The following UBAC2 variants were observed in gnomAD, a reference collection of about 807,000 sequenced individuals.
UBAC2 encodes the protein UBA domain containing 2.
UBAC2 carries 26 observed loss-of-function variants against 44.0 expected under a neutral mutation model. The observed-to-expected ratio is 0.59, with a 90% CI of 0.43 to 0.82. The LOEUF is 0.82. Among genes scored for constraint, UBAC2 ranks in the 40% least tolerant of loss-of-function variants. The probability of loss-of-function intolerance (pLI) is 0.00; values close to 1 mark genes in which losing one functional copy is unlikely to be tolerated. For synonymous variants in UBAC2, 155 were observed against 154.3 expected, an observed-to-expected ratio of 1.00 and a Z score of -0.04; for missense variants, 329 against 419.4, an observed-to-expected ratio of 0.78 and a Z score of 1.88.
chr13:99,223,873 A>T (rs1349173376), intron 1 of UBAC2, among the ~76,000 whole-genome samples: 1 of 151,852 alleles, frequency 6.6e-6, no homozygotes, highest in Non-Finnish European at 1.5e-5. Context: ...ATTCCTTTAA[A>T]TTTTTTTGAG....
chr13:99,221,976 TTTGTC>T (rs1462775086), intron 1 of UBAC2, among the ~76,000 whole-genome samples: 1 of 152,174 alleles, frequency 6.6e-6, no homozygotes, highest in African/African-American at 2.4e-5. Flanking sequence ...GAGTCACAGT[TTTGTC>T]TTCTGTATAA....
intron 4 of UBAC2, among the ~76,000 whole-genome samples, chr13:99,253,177 T>C (rs902282891): frequency 6.6e-6 from 1 of 151,616 alleles, no homozygotes; most frequent in Non-Finnish European, 1.5e-5. Flanking sequence ...CTATTGAAAC[T>C]AAAAACTGTG....
chr13:99,270,661 G>A (rs376237200), intron 4 of UBAC2, among the ~76,000 whole-genome samples: 1 of 152,224 alleles, frequency 6.6e-6, no homozygotes, highest in South Asian at 2.1e-4. Flanking sequence ...GGTTGATGGT[G>A]TGGACATGCA....
intron 4 of UBAC2, among the ~76,000 whole-genome samples, chr13:99,290,751 A>T (rs1254160144): frequency 1.3e-5 from 2 of 151,322 alleles, no homozygotes; most frequent in Admixed American, 6.6e-5. Context: ...AAAAGAAAGA[A>T]AGAAAGAAAA....
intron 4 of UBAC2, among the ~76,000 whole-genome samples, chr13:99,272,930 C>G (rs1021779543): frequency 1.1e-4 from 16 of 150,628 alleles, no homozygotes; most frequent in African/African-American, 3.9e-4. Context: ...GTCCGTGTGT[C>G]TGTTCATGCT....
At chr13:99,344,144 C>T (rs75613290) in intron 7 of UBAC2, among the ~76,000 whole-genome samples, 4,666 of 152,236 alleles carry the variant, frequency 0.031, 96 homozygotes, top group Middle Eastern at 0.13. Context: ...CATTTATGCC[C>T]GGTGTACGCC....
intron 4 of UBAC2, among the ~76,000 whole-genome samples, chr13:99,275,327 C>T (rs960460377): frequency 1.3e-5 from 2 of 152,122 alleles, no homozygotes; most frequent in African/African-American, 2.4e-5. Flanking sequence ...GACATAGCAG[C>T]TATTACAGCT....
At chr13:99,383,430 C>T (rs1223237757) in intron 8 of UBAC2, among the ~76,000 whole-genome samples, 1 of 152,228 alleles carries the variant, frequency 6.6e-6, no homozygotes. Context: ...GACACTCTCT[C>T]CTCTGGTGGG....
chr13:99,240,596 A>G (rs2043287963), intron 2 of UBAC2, among the ~76,000 whole-genome samples: 1 of 152,148 alleles, frequency 6.6e-6, no homozygotes, highest in Non-Finnish European at 1.5e-5. Context: ...TCATCATCGG[A>G]CATTGGTAAA....
intron 8 of UBAC2, among the ~76,000 whole-genome samples, chr13:99,372,009 C>T (rs76739507): frequency 1.1e-4 from 16 of 152,330 alleles, no homozygotes; most frequent in African/African-American, 3.8e-4. Context: ...AGTAAACCCA[C>T]GGCACCTCTG....
At chr13:99,313,812 G>C (rs1355658592) in intron 4 of UBAC2, among the ~76,000 whole-genome samples, 1 of 152,188 alleles carries the variant, frequency 6.6e-6, no homozygotes, top group Non-Finnish European at 1.5e-5. Flanking sequence ...TAATACCTGG[G>C]AAGAAAACAT....
intron 4 of UBAC2, among the ~76,000 whole-genome samples, chr13:99,304,508 A>G (rs532235228): frequency 1.1e-4 from 17 of 152,196 alleles, no homozygotes; most frequent in Non-Finnish European, 2.1e-4. Context: ...GTGATGTATG[A>G]TCGATATTCA....
chr13:99,385,241 T>G lies in UBAC2; in HGVS notation c.941T>G (p.Met314Arg). The change falls in exon 9 of 9, where the codon ATG becomes AGG. Residue 314 changes from methionine to arginine, a missense_variant. Met to Arg is a moderately conservative substitution (Grantham distance 91, BLOSUM62 -1). Transcript: ENST00000403766. ...EVSEEQVARLMEMGFSRGDAL... is the reference protein window; with the variant it reads ...EVSEEQVARLREMGFSRGDAL... ...CTCTGCCTGCAGGTCGCCCGGCTCA[T>G]GGAGATGGGATTTTCCAGAGGTGAT... is the stretch of plus-strand genomic sequence containing the variant. 1 of 1,614,098 alleles carries G rather than the reference T, an allele frequency of 6.2e-7. No homozygotes were observed. Among genetic ancestry groups the G allele is most frequent in the Non-Finnish European group, 8.5e-7 (1 of 1,179,956 alleles).
chr13:99,254,928 G>C (rs762415931), intron 4 of UBAC2: 1 of 1,613,956 alleles, frequency 6.2e-7, no homozygotes, highest in African/African-American at 1.3e-5. Context: ...TACCAGATCG[G>C]AAACTTTTTC....
At chr13:99,346,543 T>C (rs903956242) in intron 7 of UBAC2, among the ~76,000 whole-genome samples, 1 of 152,228 alleles carries the variant, frequency 6.6e-6, no homozygotes, top group African/African-American at 2.4e-5. Context: ...TCATATTGTT[T>C]CACGCAGTCT....
Position 99,295,601 on chromosome 13 carries a change from A to G in UBAC2, c.390-18496A>G, listed in dbSNP as rs1189226726. 6.2e-7 allele frequency: 1 copy of G among 1,614,130 alleles called. No homozygotes were observed. Among genetic ancestry groups the G allele is most frequent in the Non-Finnish European group, 8.5e-7 (1 of 1,180,026 alleles). On this transcript the variant is annotated intron_variant, in intron 4 of 8. Transcript: ENST00000403766. This position sits in a 1 kb window ranked among gnomAD's most constrained non-coding sequence, Gnocchi z 4.1. ...AGTTTCTTCAAAGTTTGGATACTCC[A>G]TGCATGTAATCCTTTCAGCCTCCTG...
chr13:99,346,186 C>T (rs539927818), intron 7 of UBAC2, among the ~76,000 whole-genome samples: 1 of 152,206 alleles, frequency 6.6e-6, no homozygotes, highest in East Asian at 1.9e-4. Context: ...CTGCCTTCCC[C>T]ACCAGTTCAG....
chr13:99,265,521 T>G (rs142519269), intron 4 of UBAC2, among the ~76,000 whole-genome samples: 1 of 152,256 alleles, frequency 6.6e-6, no homozygotes, highest in Admixed American at 6.5e-5. Flanking sequence ...GAGTTTGAAG[T>G]ATCTGTGACA....
chr13:99,340,100 A>G (rs551262495), intron 6 of UBAC2, among the ~76,000 whole-genome samples: 3 of 152,346 alleles, frequency 2.0e-5, no homozygotes, highest in South Asian at 4.1e-4. Context: ...AGCTCTTCTA[A>G]TTCAATAAAA....
Sources: allele counts gnomAD v4.1 joint callset (sites outside exome capture counted in the v4.1 genomes callset), GRCh38; gene constraint gnomAD v4.1.1; non-coding constraint Gnocchi (gnomAD v3.1); transcripts MANE v1.5; gene names NCBI Gene and HGNC (gene_info 2026-07-23, HGNC 2026-07-21).